Variants in IMMP2L observed in about 807,000 individuals in gnomAD.
The protein encoded by IMMP2L is mitochondrial inner membrane protease subunit 2.
A neutral mutation model predicts 19.3 loss-of-function variants in IMMP2L; 18 were observed. The ratio of observed to expected loss-of-function variants is 0.93; its 90% CI spans 0.64 to 1.38. The LOEUF is 1.38. Among genes scored for constraint, IMMP2L ranks in the 40% most tolerant of loss-of-function variants. The probability of loss-of-function intolerance (pLI) is 0.00; values close to 1 mark genes in which losing one functional copy is unlikely to be tolerated. For missense variants in IMMP2L, 233 were observed against 218.2 expected (o/e 1.07, Z -0.43); for synonymous variants, 76 against 73.0 (o/e 1.04, Z -0.21).
rs188882115 is a variant in IMMP2L, at chr7:110,964,473, G to A, written c.240-908C>T. ...ATTTGATGATTATAGAATTCAGAGC[G>A]CTAAAACAGGGCTACTGACAGTTAA... On this transcript the variant is annotated intron_variant, in intron 3 of 5. Coordinates refer to ENST00000405709, the MANE Select transcript of IMMP2L (RefSeq NM_032549.4). 8.5e-5 allele frequency among the ~76,000 whole-genome samples: 13 copies of A among 152,064 alleles called. No individual in the cohort carries two copies. The South Asian group carries it at 1.0e-3, about 12-fold the overall frequency.
rs577530626 is a variant in IMMP2L at position 110,853,774 on chromosome 7, A to G, written c.408+32819T>C. Among the ~76,000 whole-genome samples the G allele has an allele frequency of 2.2e-4, 33 of 150,570 alleles. No homozygotes were observed. In the South Asian group the frequency reaches 3.5e-3, roughly 16 times the overall value. On this transcript the variant is annotated intron_variant, in intron 5 of 5. Coordinates refer to ENST00000405709, the MANE Select transcript of IMMP2L (RefSeq NM_032549.4). ...CAATTGTTAAAGATAAATGGTAAAC[A>G]TAATTTTTATGTAGGTTTCTTCACA...
intron 3 of IMMP2L, among the ~76,000 whole-genome samples, chr7:111,281,159 AAAGAAAGAAAG>A (rs1819715003): frequency 4.9e-5 from 1 of 20,540 alleles, no homozygotes; most frequent in Non-Finnish European, 1.1e-4. Context: ...AGAAAGACAG[AAAGAAAGAAAG>A]AAAGAAAGAA....
chr7:111,219,894 G>C (rs1812338038), intron 3 of IMMP2L, among the ~76,000 whole-genome samples: 1 of 151,990 alleles, frequency 6.6e-6, no homozygotes, highest in South Asian at 2.1e-4. Context: ...AGTAGTGATA[G>C]AATGATTCAA....
rs1248162477 is a variant in IMMP2L at position 111,165,154 on chromosome 7, A to T, written c.240-201589T>A. Among the ~76,000 whole-genome samples the T allele has an allele frequency of 2.0e-5, 3 of 152,046 alleles. No individual in the cohort carries two copies. In the East Asian group the frequency reaches 5.8e-4, roughly 29 times the overall value. ...GTTTTGACTATTCTAGGTACCTCAT[A>T]CAAGTAAAATCATACTGTATCTCTC... On this transcript the variant is annotated intron_variant, in intron 3 of 5. Transcript: ENST00000405709.
chr7:111,536,472 A>AT, intron 1 of IMMP2L, among the ~76,000 whole-genome samples: 1 of 151,848 alleles, frequency 6.6e-6, no homozygotes, highest in Non-Finnish European at 1.5e-5. Flanking sequence ...GGCCTGGCTA[A>AT]TTTTTTATAT....
intron 3 of IMMP2L, among the ~76,000 whole-genome samples, chr7:111,293,080 T>G (rs576679759): frequency 5.3e-5 from 8 of 152,100 alleles, no homozygotes; most frequent in South Asian, 2.1e-4. Context: ...TAAGCAATGG[T>G]GTACACCTAA....
At position 111,123,762 on chromosome 7, in the gene IMMP2L, T is replaced by G. The variant is rs1324052553; in HGVS notation, c.240-160197A>C. On this transcript the variant is annotated intron_variant, in intron 3 of 5. Coordinates refer to ENST00000405709, the MANE Select transcript of IMMP2L (RefSeq NM_032549.4). This position sits in a 1 kb window ranked among gnomAD's most constrained non-coding sequence, Gnocchi z 6.4. Reference sequence around the variant, plus strand: ...TGTCTTACATTCACCCCAATGCATTTTTCAGACTCCCCAAGCTGGAATCAC... The same window carrying G: ...TGTCTTACATTCACCCCAATGCATTGTTCAGACTCCCCAAGCTGGAATCAC... 13 of 1,613,842 alleles carry G rather than the reference T, an allele frequency of 8.1e-6. No individual in the cohort carries two copies. The highest frequency in any genetic ancestry group is 1.1e-5 in the Non-Finnish European group (13 of 1,179,960).
chr7:110,815,530 C>A (rs1802423948), intron 5 of IMMP2L, among the ~76,000 whole-genome samples: 1 of 152,074 alleles, frequency 6.6e-6, no homozygotes, highest in Non-Finnish European at 1.5e-5. Context: ...GGAATAGTTT[C>A]AGAAGGAATG....
intron 5 of IMMP2L, among the ~76,000 whole-genome samples, chr7:110,830,358 A>G (rs1468042805): frequency 6.6e-6 from 1 of 152,070 alleles, no homozygotes; most frequent in Admixed American, 6.6e-5. Flanking sequence ...AGCATTTAGG[A>G]CAAACGTGTT....
chr7:111,072,104 C>T (rs1163323211), intron 3 of IMMP2L, among the ~76,000 whole-genome samples: 1 of 151,948 alleles, frequency 6.6e-6, no homozygotes, highest in Non-Finnish European at 1.5e-5. Context: ...GAAAAAAAAT[C>T]CATTAGTCCT....
intron 3 of IMMP2L, among the ~76,000 whole-genome samples, chr7:111,465,356 G>A (rs919743414): frequency 5.3e-5 from 8 of 151,682 alleles, no homozygotes; most frequent in Non-Finnish European, 7.4e-5. Flanking sequence ...GGTCTATTCC[G>A]GCTTTTAAAA....
chr7:110,981,429 G>A (rs1388096743), intron 3 of IMMP2L, among the ~76,000 whole-genome samples: 4 of 151,880 alleles, frequency 2.6e-5, no homozygotes, highest in African/African-American at 9.7e-5. Flanking sequence ...AAACTTTATA[G>A]TAAGAATGGG....
intron 3 of IMMP2L, among the ~76,000 whole-genome samples, chr7:111,139,880 C>T (rs765605893): frequency 3.3e-4 from 51 of 152,254 alleles, no homozygotes; most frequent in Middle Eastern, 3.4e-3. Context: ...CTTTCTCTGA[C>T]AAGATTGCCT....
chr7:110,886,746 C>T (rs1810263260), intron 4 of IMMP2L, 51 bp from the exon 5 acceptor site: 1 of 845,964 alleles, frequency 1.2e-6, no homozygotes. Flanking sequence ...AGAGATCAAA[C>T]TGCTGGGCAT....
At chr7:111,335,990 TA>T (rs1246603167) in intron 3 of IMMP2L, among the ~76,000 whole-genome samples, 7 of 152,098 alleles carry the variant, frequency 4.6e-5, no homozygotes, top group African/African-American at 1.7e-4. Flanking sequence ...AATAGATACT[TA>T]CTTGATGTTT....
At chr7:111,412,552 A>T (rs1450888245) in intron 3 of IMMP2L, among the ~76,000 whole-genome samples, 1 of 151,852 alleles carries the variant, frequency 6.6e-6, no homozygotes, top group African/African-American at 2.4e-5. Context: ...AAAAGAAACC[A>T]CAAGGGAAAT....
rs568301867 is a variant in IMMP2L, at chr7:110,850,585, C to T, written c.408+36008G>A. Among the ~76,000 whole-genome samples the T allele has an allele frequency of 4.2e-4, 64 of 152,138 alleles. 1 individual carries two copies. Among genetic ancestry groups the T allele is most frequent in the African/African-American group, 1.4e-3 (58 of 41,526 alleles). On this transcript the variant is annotated intron_variant, in intron 5 of 5. Coordinates refer to ENST00000405709, the MANE Select transcript of IMMP2L (RefSeq NM_032549.4). Reference sequence around the variant, plus strand: ...TTCAATTAAAGACTGCTGTCTAATACCACTGGCTCGCCCTCATGCCAAGAA... The same window carrying T: ...TTCAATTAAAGACTGCTGTCTAATATCACTGGCTCGCCCTCATGCCAAGAA...
chr7:110,869,819 G>T (rs1292116407), intron 5 of IMMP2L, among the ~76,000 whole-genome samples: 3 of 152,000 alleles, frequency 2.0e-5, no homozygotes, highest in Non-Finnish European at 4.4e-5. Flanking sequence ...AGAAGCTTTG[G>T]CTCCATCCTT....
chr7:111,540,437 G>A (rs1010320376), intron 1 of IMMP2L, among the ~76,000 whole-genome samples: 3 of 152,216 alleles, frequency 2.0e-5, no homozygotes, highest in African/African-American at 7.2e-5. Context: ...TCTGTAACAA[G>A]TTAAGTGAAT....
Sources: allele counts gnomAD v4.1 joint callset (sites outside exome capture counted in the v4.1 genomes callset), GRCh38; gene constraint gnomAD v4.1.1; non-coding constraint Gnocchi (gnomAD v3.1); transcripts MANE v1.5; gene names NCBI Gene and HGNC (gene_info 2026-07-23, HGNC 2026-07-21).